CA10: variants seen among roughly 807,000 people sequenced by gnomAD.
CA10 encodes carbonic anhydrase-related protein 10.
Under a neutral mutation model 44.2 loss-of-function variants are expected in CA10, and 14 were observed. The observed-to-expected ratio is 0.32, with a 90% CI of 0.21 to 0.50. The LOEUF (loss-of-function observed/expected upper bound fraction) is 0.50, where lower values mean the gene tolerates loss of function less well. Ranked by LOEUF, CA10 falls within the 20% of genes least tolerant of loss-of-function variation. The pLI, the probability that CA10 is intolerant of heterozygous loss-of-function variation, is 0.99. For missense variants in CA10, 350 were observed against 409.7 expected (o/e 0.85, Z 1.26); for synonymous variants, 159 against 141.6 (o/e 1.12, Z -0.87).
At chr17:52,049,558 G>T (rs978447952) in intron 2 of CA10, among the ~76,000 whole-genome samples, 31 of 152,020 alleles carry the variant, frequency 2.0e-4, no homozygotes, top group Non-Finnish European at 1.5e-4. Context: ...GAAACTTTTG[G>T]CATCTCTGCC....
intron 3 of CA10, among the ~76,000 whole-genome samples, chr17:51,787,498 CTTTTT>C (rs575519452): frequency 2.8e-5 from 4 of 144,280 alleles, no homozygotes; most frequent in Non-Finnish European, 6.1e-5. Context: ...CTTTTTTTTC[CTTTTT>C]TTTTTTGAGA....
intron 3 of CA10, among the ~76,000 whole-genome samples, chr17:51,866,297 C>G (rs1009514081): frequency 6.6e-6 from 1 of 152,202 alleles, no homozygotes; most frequent in African/African-American, 2.4e-5. Flanking sequence ...TATATTGTCT[C>G]CATGCCTTGC....
intron 2 of CA10, among the ~76,000 whole-genome samples, chr17:52,012,133 A>G (rs1985817618): frequency 6.6e-6 from 1 of 152,036 alleles, no homozygotes; most frequent in African/African-American, 2.4e-5. Context: ...ACAATGTCTC[A>G]TAATCTTTAC....
intron 2 of CA10, among the ~76,000 whole-genome samples, chr17:51,970,986 T>A (rs740858): frequency 0.012 from 1,843 of 152,112 alleles, 29 homozygotes; most frequent in African/African-American, 0.042. Context: ...CCATTCCATA[T>A]TTGGGTAGGT....
At chr17:51,756,913 A>G (rs1393313332) in intron 3 of CA10, among the ~76,000 whole-genome samples, 1 of 152,190 alleles carries the variant, frequency 6.6e-6, no homozygotes, top group East Asian at 1.9e-4. Context: ...GGGCAGTTCC[A>G]GTCCCCGCTT....
In CA10 at chr17:51,818,436, C is replaced by T. The variant is rs151150203; in HGVS notation, c.280-70618G>A. Among the ~76,000 whole-genome samples, 352 of 152,272 alleles carry T rather than the reference C, an allele frequency of 2.3e-3. 2 individuals carry two copies. The highest frequency in any genetic ancestry group is 7.9e-3 in the African/African-American group (327 of 41,554). On this transcript the variant is annotated intron_variant, in intron 3 of 8. Coordinates refer to ENST00000451037, the MANE Select transcript of CA10 (RefSeq NM_020178.5). ...AATGATGTCCTAAATGCCCTTCCAA[C>T]GCTGGCATTACATCTTTCTAAACCA...
At chr17:52,041,487 C>A (rs144989088) in intron 2 of CA10, among the ~76,000 whole-genome samples, 125 of 152,180 alleles carry the variant, frequency 8.2e-4, no homozygotes, top group East Asian at 2.9e-3. Flanking sequence ...TTAAGGCACA[C>A]AACATGATGA....
chr17:51,956,376 A>G (rs1261357542), intron 2 of CA10, among the ~76,000 whole-genome samples: 1 of 152,200 alleles, frequency 6.6e-6, no homozygotes, highest in Non-Finnish European at 1.5e-5. Context: ...TGTTGTACAC[A>G]TATGACCTCA....
chr17:52,042,544 CTA>C (rs1986800453), intron 2 of CA10, among the ~76,000 whole-genome samples: 1 of 151,830 alleles, frequency 6.6e-6, no homozygotes, highest in Admixed American at 6.6e-5. Flanking sequence ...TTCTCCCATT[CTA>C]TAGTTTGCCT....
At chr17:51,970,441 A>G (rs1395711142) in intron 2 of CA10, among the ~76,000 whole-genome samples, 1 of 152,110 alleles carries the variant, frequency 6.6e-6, no homozygotes, top group Non-Finnish European at 1.5e-5. Flanking sequence ...AAGTCTAAAA[A>G]TCGGAATTAA....
chr17:52,037,394 G>T (rs554827171), intron 2 of CA10, among the ~76,000 whole-genome samples: 47 of 152,196 alleles, frequency 3.1e-4, no homozygotes, highest in African/African-American at 1.1e-3. Flanking sequence ...ATACTCCAGA[G>T]ATCAAGCAAG....
intron 4 of CA10, among the ~76,000 whole-genome samples, chr17:51,679,301 C>T (rs940330523): frequency 1.3e-5 from 2 of 151,454 alleles, no homozygotes; most frequent in African/African-American, 4.9e-5. Flanking sequence ...GCTCTGTCAC[C>T]CAGGCTGGAG....
intron 3 of CA10, among the ~76,000 whole-genome samples, chr17:51,841,874 T>C (rs1978322301): frequency 6.6e-6 from 1 of 152,214 alleles, no homozygotes. Flanking sequence ...CAAGTTTTGC[T>C]TCATCAGCAG....
chr17:52,001,088 CG>C (rs11350969), intron 2 of CA10, among the ~76,000 whole-genome samples: 80,552 of 151,702 alleles, frequency 0.53, 22,611 homozygotes, highest in African/African-American at 0.71. Flanking sequence ...GCTTAGTCTA[CG>C]AAGACCTGGT....
At chr17:51,961,808 G>A (rs1283912092) in intron 2 of CA10, among the ~76,000 whole-genome samples, 6 of 152,198 alleles carry the variant, frequency 3.9e-5, no homozygotes, top group East Asian at 1.9e-4. Flanking sequence ...CTTACTGTGC[G>A]TAGATTCTGG....
At chr17:52,020,578 A>G (rs912989364) in intron 2 of CA10, among the ~76,000 whole-genome samples, 4 of 151,998 alleles carry the variant, frequency 2.6e-5, no homozygotes, top group Non-Finnish European at 4.4e-5. Context: ...TTTACTTGGT[A>G]TAGAATTTCA....
intron 1 of CA10, among the ~76,000 whole-genome samples, chr17:52,119,350 T>C (rs1327264326): frequency 2.0e-5 from 3 of 152,196 alleles, no homozygotes; most frequent in Non-Finnish European, 4.4e-5. Context: ...AAGCTTTGAC[T>C]GGAAGGGTAT....
chr17:52,061,537 T>C (rs1987384858), intron 2 of CA10, among the ~76,000 whole-genome samples: 1 of 152,198 alleles, frequency 6.6e-6, no homozygotes, highest in African/African-American at 2.4e-5. Context: ...AATCTCATCT[T>C]AAATTGTAAT....
intron 1 of CA10, among the ~76,000 whole-genome samples, chr17:52,138,506 G>T (rs1343789037): frequency 6.6e-6 from 1 of 152,206 alleles, no homozygotes; most frequent in African/African-American, 2.4e-5. Context: ...GTAGAAACCT[G>T]TACTTTACTT....
Sources: gnomAD v4.1 joint callset for allele counts (sites outside exome capture counted in the v4.1 genomes callset) on GRCh38, gnomAD v4.1.1 for gene constraint, MANE v1.5 for transcripts, NCBI Gene and HGNC (gene_info 2026-07-23, HGNC 2026-07-21) for gene names.